Variants in PIERCE1 observed in about 807,000 individuals in gnomAD.
The protein encoded by PIERCE1 is piercer of microtubule wall 1 protein.
At chr9:135,496,144 G>A in the PIERCE1 span, among the ~76,000 whole-genome samples, 37 of 152,246 alleles carry the variant, frequency 2.4e-4, no homozygotes, top group East Asian at 5.6e-3. Flanking sequence ...GTGAAATGCC[G>A]TCTCTACTAA....
the PIERCE1 span, among the ~76,000 whole-genome samples, chr9:135,498,315 G>T: frequency 6.6e-6 from 1 of 152,100 alleles, no homozygotes; most frequent in African/African-American, 2.4e-5. The surrounding 1 kb of genome is among the most constrained non-coding windows in gnomAD (Gnocchi z 4.1). Flanking sequence ...TTGGGTGTAT[G>T]GGGGCAGGGT....
the PIERCE1 span, among the ~76,000 whole-genome samples, chr9:135,496,755 C>T: frequency 2.0e-5 from 3 of 150,338 alleles, no homozygotes; most frequent in Admixed American, 6.6e-5. Context: ...CACAGGGATC[C>T]GCCCATGCAG....
At chr9:135,498,035 G>C in the PIERCE1 span, among the ~76,000 whole-genome samples, 1 of 152,094 alleles carries the variant, frequency 6.6e-6, no homozygotes, top group Non-Finnish European at 1.5e-5. This position sits in a 1 kb window ranked among gnomAD's most constrained non-coding sequence, Gnocchi z 4.1. Context: ...GGTGTGGGGA[G>C]GTTCTAGGAG....
chr9:135,499,716 C>G, the PIERCE1 span: 1 of 1,608,062 alleles, frequency 6.2e-7, no homozygotes, highest in Non-Finnish European at 8.5e-7. Flanking sequence ...CACCTGTAGC[C>G]CCGGAACCAC....
the PIERCE1 span, chr9:135,498,728 T>C: frequency 1.3e-6 from 2 of 1,483,496 alleles, no homozygotes; most frequent in Non-Finnish European, 1.9e-6. This position sits in a 1 kb window ranked among gnomAD's most constrained non-coding sequence, Gnocchi z 4.1. Context: ...CACAGCCTTG[T>C]ATTTGGTTGA....
the PIERCE1 span, chr9:135,499,139 C>T: frequency 1.3e-4 from 39 of 292,266 alleles, no homozygotes; most frequent in Admixed American, 3.5e-4. Context: ...TGCAGGCCCA[C>T]GACATAGCTT....
At chr9:135,498,533 C>A in the PIERCE1 span, 9 of 1,555,984 alleles carry the variant, frequency 5.8e-6, no homozygotes, top group Admixed American at 8.4e-5. This position sits in a 1 kb window ranked among gnomAD's most constrained non-coding sequence, Gnocchi z 4.1. Context: ...TTAGCCTCTT[C>A]TTGAGGCCAC....
At chr9:135,498,686 T>C in the PIERCE1 span, 1 of 1,595,552 alleles carries the variant, frequency 6.3e-7, no homozygotes, top group Admixed American at 1.7e-5. The surrounding 1 kb of genome is among the most constrained non-coding windows in gnomAD (Gnocchi z 4.1). Context: ...AAACACTCTA[T>C]TTTCATTCAT....
chr9:135,497,075 G>T, the PIERCE1 span, among the ~76,000 whole-genome samples: 1 of 152,240 alleles, frequency 6.6e-6, no homozygotes, highest in South Asian at 2.1e-4. Context: ...GGGATTACAG[G>T]CGTGAGCCAC....
chr9:135,498,274 G>C, the PIERCE1 span, among the ~76,000 whole-genome samples: 1 of 147,756 alleles, frequency 6.8e-6, no homozygotes, highest in East Asian at 1.9e-4. The surrounding 1 kb of genome is among the most constrained non-coding windows in gnomAD (Gnocchi z 4.1). Flanking sequence ...AGATGGTTGC[G>C]TGTGTGTGTG....
the PIERCE1 span, chr9:135,498,782 C>A: frequency 1.1e-6 from 1 of 923,346 alleles, no homozygotes. This position sits in a 1 kb window ranked among gnomAD's most constrained non-coding sequence, Gnocchi z 4.1. Flanking sequence ...GCAATATGCC[C>A]GGGCTGGTGA....
the PIERCE1 span, among the ~76,000 whole-genome samples, chr9:135,497,666 C>G: frequency 1.3e-5 from 2 of 152,110 alleles, no homozygotes; most frequent in African/African-American, 4.8e-5. Flanking sequence ...CTCAAGTGAT[C>G]CTCTCACCTC....
chr9:135,495,984 C>A, the PIERCE1 span, among the ~76,000 whole-genome samples: 1 of 152,218 alleles, frequency 6.6e-6, no homozygotes, highest in African/African-American at 2.4e-5. Context: ...GTTTTCTCTT[C>A]TATGGAATAG....
the PIERCE1 span, chr9:135,498,605 G>A: frequency 6.2e-7 from 1 of 1,613,964 alleles, no homozygotes; most frequent in Non-Finnish European, 8.5e-7. This position sits in a 1 kb window ranked among gnomAD's most constrained non-coding sequence, Gnocchi z 4.1. Context: ...TGCACGGTGG[G>A]GGCTCTGCTC....
At chr9:135,497,914 G>A in the PIERCE1 span, among the ~76,000 whole-genome samples, 9,975 of 152,244 alleles carry the variant, frequency 0.066, 358 homozygotes, top group South Asian at 0.1. Flanking sequence ...CTTTGACAAC[G>A]AAAATACGTC....
the PIERCE1 span, chr9:135,495,356 G>T: frequency 2.2e-6 from 3 of 1,386,886 alleles, no homozygotes; most frequent in South Asian, 1.3e-5. Context: ...GGGCGACTGT[G>T]GGTGATGAGG....
chr9:135,498,602 T>C, the PIERCE1 span: 2 of 1,613,982 alleles, frequency 1.2e-6, no homozygotes, highest in Non-Finnish European at 1.7e-6. The surrounding 1 kb of genome is among the most constrained non-coding windows in gnomAD (Gnocchi z 4.1). Flanking sequence ...TCGTGCACGG[T>C]GGGGGCTCTG....
At chr9:135,499,331 G>A in the PIERCE1 span, 1 of 463,962 alleles carries the variant, frequency 2.2e-6, no homozygotes, top group Non-Finnish European at 4.2e-6. Context: ...TTCTTAGCCT[G>A]CAATGCCCTG....
the PIERCE1 span, chr9:135,495,490 G>T: frequency 6.2e-7 from 1 of 1,614,136 alleles, no homozygotes; most frequent in Non-Finnish European, 8.5e-7. Context: ...GGTCACAGGA[G>T]GTGATGCAGT....
Sources: allele counts gnomAD v4.1 joint callset (sites outside exome capture counted in the v4.1 genomes callset), GRCh38; gene constraint gnomAD v4.1.1; non-coding constraint Gnocchi (gnomAD v3.1); transcripts MANE v1.5; gene names NCBI Gene and HGNC (gene_info 2026-07-23, HGNC 2026-07-21).